ZNF620: variants seen among roughly 807,000 people sequenced by gnomAD.
The protein encoded by ZNF620 is zinc finger protein 620.
Under a neutral mutation model 13.3 loss-of-function variants are expected in ZNF620, and 10 were observed. The observed-to-expected ratio is 0.75, with a 90% CI of 0.46 to 1.28. The LOEUF (loss-of-function observed/expected upper bound fraction) is 1.28. Among genes scored for constraint, ZNF620 ranks in the 50% most tolerant of loss-of-function variants. The probability of loss-of-function intolerance (pLI) is 0.00; values close to 1 mark genes in which losing one functional copy is unlikely to be tolerated. For synonymous variants in ZNF620, 166 were observed against 177.6 expected, an observed-to-expected ratio of 0.93 and a Z score of 0.52; for missense variants, 461 against 500.2, an observed-to-expected ratio of 0.92 and a Z score of 0.75.
chr3:40,513,317 ATATATATATATATAT>A lies in ZNF620; in HGVS notation c.265+803_265+817del, dbSNP rs1266192408. 6.5e-4 allele frequency among the ~76,000 whole-genome samples: 59 copies of A among 90,346 alleles called. 4 individuals carry two copies. Among genetic ancestry groups the A allele is most frequent in the African/African-American group, 2.7e-3 (58 of 21,196 alleles). The allele number at this position is 90,346 out of a possible 152,430, so 59.3% of individuals were successfully genotyped here. The stretch of plus-strand genomic sequence containing the variant: ...CCGTCTCAACTAAAAAAAAAAAAAA[ATATATATATATATAT>A]ATATATATATATATATATATATGGC... On this transcript the variant is annotated intron_variant, in intron 4 of 4. Coordinates refer to ENST00000314529, the MANE Select transcript of ZNF620 (RefSeq NM_175888.4).
At chr3:40,511,130 C>T (rs1265358883) in intron 2 of ZNF620, among the ~76,000 whole-genome samples, 1 of 151,666 alleles carries the variant, frequency 6.6e-6, no homozygotes, top group Non-Finnish European at 1.5e-5. Context: ...AAGTGTTATT[C>T]ACTGTGTTTA....
intron 3 of ZNF620, 43 bp downstream of exon 3, chr3:40,511,639 T>TC: frequency 6.3e-7 from 1 of 1,592,510 alleles, no homozygotes; most frequent in African/African-American, 1.4e-5. Flanking sequence ...CCTTTAAGCA[T>TC]CCTGGCTTCT....
At chr3:40,514,758 C>A (rs1345641543) in intron 4 of ZNF620, among the ~76,000 whole-genome samples, 1 of 152,052 alleles carries the variant, frequency 6.6e-6, no homozygotes, top group African/African-American at 2.4e-5. Flanking sequence ...GGTGACACAG[C>A]GAGACTCTAT....
At chr3:40,510,283 G>A (rs1242909809) in intron 2 of ZNF620, among the ~76,000 whole-genome samples, 1 of 152,126 alleles carries the variant, frequency 6.6e-6, no homozygotes, top group Non-Finnish European at 1.5e-5. Context: ...AAGGGGCTGG[G>A]ATTACAGGTG....
chr3:40,513,319 ATATATATATAT>A (rs1250149513), intron 4 of ZNF620, among the ~76,000 whole-genome samples: 34,787 of 94,918 alleles, frequency 0.37, 7,114 homozygotes, highest in South Asian at 0.6. Context: ...AAAAAAAAAT[ATATATATATAT>A]ATATATATAT....
At chr3:40,514,429 C>T (rs879027674) in intron 4 of ZNF620, among the ~76,000 whole-genome samples, 1 of 152,050 alleles carries the variant, frequency 6.6e-6, no homozygotes, top group Non-Finnish European at 1.5e-5. Flanking sequence ...TACCAGTCTC[C>T]GCATCTTGGT....
chr3:40,506,302 A>C lies in ZNF620; in HGVS notation c.-49-2A>C, dbSNP rs754549549. 1 of 1,613,062 alleles carries C rather than the reference A, an allele frequency of 6.2e-7. No individual in the cohort carries two copies. The highest frequency in any genetic ancestry group is 8.5e-7 in the Non-Finnish European group (1 of 1,179,554). ...ACCGGTGCTTCTTTATTTTCTCTTC[A>C]GTTTCACTTCTCCGAACCCTGAGGC... is the stretch of plus-strand genomic sequence containing the variant. On this transcript the variant is annotated splice_acceptor_variant, in intron 1 of 4. Transcript: ENST00000314529. LOFTEE classifies it low-confidence loss of function (5UTR_SPLICE).
At chr3:40,507,449 G>T (rs900999081) in intron 2 of ZNF620, among the ~76,000 whole-genome samples, 81 of 152,118 alleles carry the variant, frequency 5.3e-4, no homozygotes, top group African/African-American at 1.9e-3. Flanking sequence ...CCAACTCTGC[G>T]GTGGGATAAA....
chr3:40,506,316 G>A lies in ZNF620; in HGVS notation c.-37G>A, dbSNP rs939765324. On this transcript the variant is annotated 5_prime_UTR_variant, in exon 2 of 5. Transcript: ENST00000314529. ...ATTTTCTCTTCAGTTTCACTTCTCC[G>A]AACCCTGAGGCAGTGTGTGAAGCTG... The A allele has an allele frequency of 1.1e-5, 17 of 1,613,790 alleles. No homozygotes were observed. The African/African-American group carries it at 1.9e-4, about 18-fold the overall frequency.
chr3:40,507,232 C>T (rs1301158368), intron 2 of ZNF620, among the ~76,000 whole-genome samples: 4 of 151,582 alleles, frequency 2.6e-5, no homozygotes, highest in African/African-American at 9.7e-5. Flanking sequence ...GCTGGGACTA[C>T]AAGCACGCGC....
intron 4 of ZNF620, among the ~76,000 whole-genome samples, chr3:40,514,917 A>G (rs1698324705): frequency 6.6e-6 from 1 of 152,162 alleles, no homozygotes; most frequent in Non-Finnish European, 1.5e-5. Flanking sequence ...TTTAAGTTGT[A>G]CCTTTCTGGA....
At position 40,516,555 on chromosome 3, in the gene ZNF620, T is replaced by C. The variant is rs763595614; in HGVS notation, c.961T>C (p.Ser321Pro). ...NECWKTFSCS[S>P]SFTVHQRMHT... is the part of the protein sequence containing the mutation. ...ATGTTGGAAAACTTTCAGTTGCAGC[T>C]CAAGTTTCACTGTCCATCAGCGAAT... Residue 321 changes from serine to proline, a missense_variant, in exon 5 of 5, where the codon TCA becomes CCA. By Grantham distance (74) the Ser-to-Pro change is moderately conservative. Coordinates refer to ENST00000314529, the MANE Select transcript of ZNF620 (RefSeq NM_175888.4). 2.5e-6 allele frequency: 4 copies of C among 1,614,110 alleles called. No individual in the cohort carries two copies. The highest frequency in any genetic ancestry group is 2.5e-6 in the Non-Finnish European group (3 of 1,180,032).
chr3:40,511,970 C>T (rs1698215387), intron 3 of ZNF620, among the ~76,000 whole-genome samples: 1 of 152,168 alleles, frequency 6.6e-6, no homozygotes, highest in South Asian at 2.1e-4. Flanking sequence ...GTGTGAGCCA[C>T]CGCTCCTGGC....
At position 40,516,275 on chromosome 3, in the gene ZNF620, A is replaced by G; in HGVS notation, c.681A>G (p.Lys227=). ...CTGGTGAAAAGTCTTTTGAATGCAA[A>G]GAATGTGGAAAATACTTCAGATATA... ...CHTGEKSFEC[K]ECGKYFRYNS... Residue 227 remains lysine, a synonymous_variant, in exon 5 of 5, where the codon AAA becomes AAG. Coordinates refer to ENST00000314529, the MANE Select transcript of ZNF620 (RefSeq NM_175888.4). The G allele has an allele frequency of 6.2e-7, 1 of 1,614,204 alleles. No individual in the cohort carries two copies.
Position 40,515,981 on chromosome 3 carries a change from T to G in ZNF620, c.387T>G (p.Phe129Leu). The part of the protein sequence containing the change: ...LPGNVSQHLD[F>L]GSSLEQPQGH... ...GGAATGTTTCCCAGCACCTTGACTTTGGGAGCAGCCTAGAGCAGCCACAAG... is the reference window on the plus strand; with the variant it reads ...GGAATGTTTCCCAGCACCTTGACTTGGGGAGCAGCCTAGAGCAGCCACAAG... The change falls in exon 5 of 5, where the codon TTT becomes TTG. Residue 129 changes from phenylalanine to leucine, a missense_variant. By Grantham distance (22) the Phe-to-Leu change is conservative. Transcript: ENST00000314529. 6.2e-7 allele frequency: 1 copy of G among 1,614,128 alleles called. No homozygotes were observed. Among genetic ancestry groups the G allele is most frequent in the Non-Finnish European group, 8.5e-7 (1 of 1,180,026 alleles).
rs1175043424 is a variant in ZNF620, at chr3:40,516,670, C to T, written c.1076C>T (p.Thr359Ile). The T allele has an allele frequency of 1.2e-6, 2 of 1,614,196 alleles. No individual in the cohort carries two copies. Among genetic ancestry groups the T allele is most frequent in the Non-Finnish European group, 8.5e-7 (1 of 1,180,008 alleles). Residue 359 changes from threonine to isoleucine, a missense_variant, in exon 5 of 5, where the codon ACT becomes ATT. Physicochemically the swap from Thr to Ile is moderately conservative, Grantham distance 89. Transcript: ENST00000314529. ...TALTQHQRIH[T>I]GEKPFECKEC... ...TTGACTCAGCATCAGCGAATTCACACTGGGGAGAAGCCCTTTGAATGTAAG... is the reference window on the plus strand; with the variant it reads ...TTGACTCAGCATCAGCGAATTCACATTGGGGAGAAGCCCTTTGAATGTAAG...
rs1698196486 is a variant in ZNF620, at chr3:40,511,502, C to A, written c.57C>A (p.Tyr19Ter). 6.2e-7 allele frequency: 1 copy of A among 1,613,754 alleles called. No individual in the cohort carries two copies. Among genetic ancestry groups the A allele is most frequent in the Non-Finnish European group, 8.5e-7 (1 of 1,179,784 alleles). The change falls in exon 3 of 5, where the codon TAC (tyrosine) becomes TAA (stop). Residue 19 changes from tyrosine (Y) to a stop codon, truncating the protein, a stop_gained. Transcript: ENST00000314529. LOFTEE classifies it high-confidence loss of function. ...TGACCTTTGAGGATGTGGCTGTGTACTTCACCCAGAATGAATGGGCCAGCC... is the reference window on the plus strand; with the variant it reads ...TGACCTTTGAGGATGTGGCTGTGTAATTCACCCAGAATGAATGGGCCAGCC... ...EPVTFEDVAV[Y>*]FTQNEWASLD...
At chr3:40,511,694 T>C in intron 3 of ZNF620, 98 bp downstream of exon 3, 2 of 1,498,358 alleles carry the variant, frequency 1.3e-6, no homozygotes, top group Non-Finnish European at 1.8e-6. Flanking sequence ...TTTTCTTTTT[T>C]TTTTGAGACA....
In ZNF620 at chr3:40,516,525, A is replaced by G; in HGVS notation, c.931A>G (p.Asn311Asp). Residue 311 changes from asparagine (N) to aspartate (D), a missense_variant, in exon 5 of 5, where the codon AAC becomes GAC. By Grantham distance (23) the Asn-to-Asp change is conservative (BLOSUM62 1). Coordinates refer to ENST00000314529, the MANE Select transcript of ZNF620 (RefSeq NM_175888.4). ...FHTGEKLYEC[N>D]ECWKTFSCSS... ...CACTGGGGAGAAGCTCTATGAATGT[A>G]ACGAATGTTGGAAAACTTTCAGTTG... 6.2e-7 allele frequency: 1 copy of G among 1,614,202 alleles called. No homozygotes were observed. The highest frequency in any genetic ancestry group is 8.5e-7 in the Non-Finnish European group (1 of 1,180,026).
Sources: gnomAD v4.1 joint callset for allele counts (sites outside exome capture counted in the v4.1 genomes callset) on GRCh38, gnomAD v4.1.1 for gene constraint, MANE v1.5 for transcripts, NCBI Gene and HGNC (gene_info 2026-07-23, HGNC 2026-07-21) for gene names.